The following SS18 variants were observed in gnomAD, a reference collection of about 807,000 sequenced individuals.
The protein encoded by SS18 is protein SSXT.
In SS18, 28 loss-of-function variants were observed where a neutral mutation model predicts 72.5. The ratio of observed to expected loss-of-function variants is 0.39; its 90% CI spans 0.29 to 0.53. The LOEUF (loss-of-function observed/expected upper bound fraction) is 0.53. Ranked by LOEUF, SS18 falls within the 20% of genes least tolerant of loss-of-function variation. The pLI is 0.76. For synonymous variants in SS18, 172 were observed against 164.2 expected, an observed-to-expected ratio of 1.05 and a Z score of -0.37; for missense variants, 518 against 535.3, an observed-to-expected ratio of 0.97 and a Z score of 0.32.
chr18:26,029,539 C>T (rs994840067), intron 10 of SS18, among the ~76,000 whole-genome samples: 2 of 152,010 alleles, frequency 1.3e-5, no homozygotes, highest in African/African-American at 2.4e-5. Flanking sequence ...AAGGGGTTTG[C>T]TAATTGGATG....
chr18:26,024,778 A>G (rs2053417237), intron 10 of SS18, among the ~76,000 whole-genome samples: 1 of 152,166 alleles, frequency 6.6e-6, no homozygotes, highest in Non-Finnish European at 1.5e-5. Context: ...ACCAGATGTG[A>G]CAAATAGAAA....
Position 26,047,828 on chromosome 18 carries a change from C to T in SS18, c.607+4796G>A, listed in dbSNP as rs558921101. 9.4e-5 allele frequency among the ~76,000 whole-genome samples: 14 copies of T among 148,692 alleles called. No individual in the cohort carries two copies. In the South Asian group the frequency reaches 1.0e-3, roughly 11 times the overall value. Reference sequence around the variant, plus strand: ...ACTGCACTCCAGCCTCAGAGTGAGGCGACAGAGTGAGACTCCGTCTCAAAA... The same window carrying T: ...ACTGCACTCCAGCCTCAGAGTGAGGTGACAGAGTGAGACTCCGTCTCAAAA... On this transcript the variant is annotated intron_variant, in intron 5 of 10. Coordinates refer to ENST00000415083, the MANE Select transcript of SS18 (RefSeq NM_001007559.3).
At chr18:26,068,937 C>T (rs1277156192) in intron 3 of SS18, among the ~76,000 whole-genome samples, 1 of 152,086 alleles carries the variant, frequency 6.6e-6, no homozygotes, top group Non-Finnish European at 1.5e-5. Flanking sequence ...ATTTCAAACG[C>T]AGTACTCACA....
At chr18:26,066,385 C>T (rs1379494416) in intron 3 of SS18, among the ~76,000 whole-genome samples, 1 of 152,136 alleles carries the variant, frequency 6.6e-6, no homozygotes, top group Non-Finnish European at 1.5e-5. Flanking sequence ...TCCACCTTCA[C>T]ATCTCCATTT....
intron 2 of SS18, chr18:26,082,328 C>A (rs2054539050): frequency 1.1e-6 from 1 of 899,732 alleles, no homozygotes; most frequent in Admixed American, 6.2e-5. Flanking sequence ...CAAAATTAAG[C>A]TGGAAGTAAT....
At chr18:26,060,826 C>G (rs192302156) in intron 3 of SS18, among the ~76,000 whole-genome samples, 1 of 135,274 alleles carries the variant, frequency 7.4e-6, no homozygotes, top group African/African-American at 2.7e-5. Flanking sequence ...CGCAGTGGCA[C>G]GTGCCTGTAG....
In SS18 at chr18:26,035,525, T is replaced by C. The variant is rs1315719155; in HGVS notation, c.973+306A>G. 6.6e-6 allele frequency: 2 copies of C among 301,474 alleles called. No individual in the cohort carries two copies. Among genetic ancestry groups the C allele is most frequent in the Non-Finnish European group, 1.2e-5 (2 of 163,160 alleles). The allele number at this position is 301,474 out of a possible 1,614,324, so 18.7% of individuals were successfully genotyped here. A position where few individuals can be genotyped will look rare whatever the true frequency, so the allele number is the denominator to read the frequency against. Reference sequence around the variant, plus strand: ...ATACTTATATGTAAAATTATACATATGTAAACACACACGAGAAAAAAAAGT... The same window carrying C: ...ATACTTATATGTAAAATTATACATACGTAAACACACACGAGAAAAAAAAGT... On this transcript the variant is annotated intron_variant, in intron 8 of 10. Transcript: ENST00000415083. The surrounding 1 kb of genome is among the most constrained non-coding windows in gnomAD (Gnocchi z 4.4).
chr18:26,086,608 G>C (rs778063490), intron 2 of SS18, among the ~76,000 whole-genome samples: 1 of 152,256 alleles, frequency 6.6e-6, no homozygotes, highest in Non-Finnish European at 1.5e-5. Context: ...AATGGACAGT[G>C]CTGTTCTATT....
At chr18:26,069,198 C>T (rs2054270586) in intron 3 of SS18, among the ~76,000 whole-genome samples, 1 of 152,182 alleles carries the variant, frequency 6.6e-6, no homozygotes, top group Non-Finnish European at 1.5e-5. Context: ...GTCATCATCG[C>T]CAATATTCAC....
chr18:26,065,188 A>G (rs955880316), intron 3 of SS18, among the ~76,000 whole-genome samples: 1 of 152,176 alleles, frequency 6.6e-6, no homozygotes, highest in African/African-American at 2.4e-5. Flanking sequence ...TGCAATCCCA[A>G]TAAAAATTCC....
rs1337123531 is a variant in SS18 at position 26,035,043 on chromosome 18, G to C, written c.1058C>G (p.Pro353Arg). 1 of 1,613,368 alleles carries C rather than the reference G, an allele frequency of 6.2e-7. No homozygotes were observed. Among genetic ancestry groups the C allele is most frequent in the East Asian group, 2.2e-5 (1 of 44,868 alleles). The change falls in exon 9 of 11, where the codon CCA (proline) becomes CGA (arginine). Residue 353 changes from proline to arginine, a missense_variant. Transcript: ENST00000415083. The surrounding 1 kb of genome is among the most constrained non-coding windows in gnomAD (Gnocchi z 4.4). The part of the protein sequence containing the change: ...QGYPPQQQQY[P>R]GQQGYPGQQQ... ...CTGTCCTGGGTAACCTTGCTGCCCT[G>C]GGTACTGCTGCTGCTGGGGTGGATA...
chr18:26,026,466 TC>T (rs2053448942), intron 10 of SS18, among the ~76,000 whole-genome samples: 1 of 152,056 alleles, frequency 6.6e-6, no homozygotes, highest in Non-Finnish European at 1.5e-5. Flanking sequence ...ATAAAAATTC[TC>T]AGCAAACTAG....
intron 9 of SS18, 45 bp downstream of exon 9, chr18:26,034,960 C>A: frequency 6.3e-7 from 1 of 1,577,834 alleles, no homozygotes; most frequent in South Asian, 1.2e-5. Context: ...TTAAAACAAT[C>A]AGCACATTTT....
At chr18:26,034,152 T>C (rs1164473693) in intron 9 of SS18, among the ~76,000 whole-genome samples, 1 of 152,178 alleles carries the variant, frequency 6.6e-6, no homozygotes, top group African/African-American at 2.4e-5. Context: ...AATTTCAGTC[T>C]GACCTGAGTT....
chr18:26,027,540 C>T (rs549888802), intron 10 of SS18, among the ~76,000 whole-genome samples: 3 of 151,404 alleles, frequency 2.0e-5, no homozygotes, highest in Admixed American at 6.6e-5. Flanking sequence ...GGCATGGTAG[C>T]GCACACCTGT....
rs1171459052 is a variant in SS18, at chr18:26,016,766, G to A, written c.*1588C>T. On this transcript the variant is annotated 3_prime_UTR_variant, in exon 11 of 11. Transcript: ENST00000415083. ...ACAAAAAACAAAAACAAAAAAACCT[G>A]TTCTGACCTTGAAACACACAAACAC... 4 of 229,784 alleles carry A rather than the reference G, an allele frequency of 1.7e-5. No individual in the cohort carries two copies. The highest frequency in any genetic ancestry group is 8.9e-5 in the African/African-American group (4 of 45,070). The allele number at this position is 229,784 out of a possible 1,614,324, so 14.2% of individuals were successfully genotyped here.
chr18:26,078,468 T>TA (rs1413581298), intron 2 of SS18: 1 of 220,376 alleles, frequency 4.5e-6, no homozygotes, highest in East Asian at 1.1e-4. Flanking sequence ...AACTAATGTT[T>TA]AGAGAGGTTG....
chr18:26,085,112 T>C (rs1269950407), intron 2 of SS18, among the ~76,000 whole-genome samples: 1 of 152,194 alleles, frequency 6.6e-6, no homozygotes, highest in African/African-American at 2.4e-5. Context: ...AAAAATTCAA[T>C]GCAGCACATA....
intron 3 of SS18, among the ~76,000 whole-genome samples, chr18:26,070,406 T>C (rs934965062): frequency 9.9e-5 from 15 of 152,214 alleles, no homozygotes; most frequent in African/African-American, 3.6e-4. Context: ...TGTCTGCTTA[T>C]AGAACAACTT....
Sources: allele counts gnomAD v4.1 joint callset (sites outside exome capture counted in the v4.1 genomes callset), GRCh38; gene constraint gnomAD v4.1.1; non-coding constraint Gnocchi (gnomAD v3.1); transcripts MANE v1.5; gene names NCBI Gene and HGNC (gene_info 2026-07-23, HGNC 2026-07-21).